Variants in DDX25 observed in about 807,000 individuals in gnomAD.
DDX25 encodes DEAD-box helicase 25.
In DDX25, 70 loss-of-function variants were observed where a neutral mutation model predicts 64.6. That is an observed-to-expected ratio of 1.08 (90% CI 0.89 to 1.32). DDX25 has a LOEUF of 1.32. Among genes scored for constraint, DDX25 ranks in the 40% most tolerant of loss-of-function variants. The pLI, the probability that DDX25 is intolerant of heterozygous loss-of-function variation, is 0.00. For synonymous variants in DDX25, 211 were observed against 213.3 expected (o/e 0.99, Z 0.09); for missense variants, 587 against 604.4 (o/e 0.97, Z 0.30).
intron 8 of DDX25, among the ~76,000 whole-genome samples, chr11:125,915,482 TC>T (rs1945025765): frequency 6.6e-6 from 1 of 152,236 alleles, no homozygotes; most frequent in African/African-American, 2.4e-5. Flanking sequence ...GCCATGGTTT[TC>T]TTTCCTTATG....
At position 125,925,130 on chromosome 11, in the gene DDX25, C is replaced by A. The variant is rs187971479; in HGVS notation, c.*2249C>A. ...TGTATCCAGATACTTTGTTCTCTTA[C>A]TATTCGAGAATCGAGTTGGACCTTC... On this transcript the variant is annotated 3_prime_UTR_variant, in exon 12 of 12. Transcript: ENST00000263576. 7.0e-5 allele frequency: 16 copies of A among 227,714 alleles called. No individual in the cohort carries two copies. The highest frequency in any genetic ancestry group is 1.7e-4 in the South Asian group (3 of 17,592). The allele number at this position is 227,714 out of a possible 1,614,324, so 14.1% of individuals were successfully genotyped here. A position where few individuals can be genotyped will look rare whatever the true frequency, so the allele number is the denominator to read the frequency against.
At chr11:125,919,130 C>T (rs1046293076) in intron 10 of DDX25, among the ~76,000 whole-genome samples, 1 of 152,158 alleles carries the variant, frequency 6.6e-6, no homozygotes, top group Non-Finnish European at 1.5e-5. Flanking sequence ...GTTCCATGCA[C>T]CAGCAGTTCA....
At chr11:125,906,344 G>C in intron 4 of DDX25, 135 bp downstream of exon 4, 2 of 1,176,602 alleles carry the variant, frequency 1.7e-6, no homozygotes, top group Non-Finnish European at 2.3e-6. Flanking sequence ...ATTTGAGACA[G>C]AGTCTCACTC....
In DDX25 at chr11:125,907,380, G is replaced by A. The variant is rs540216235; in HGVS notation, c.312-816G>A. On this transcript the variant is annotated intron_variant, in intron 4 of 11. Transcript: ENST00000263576. ...TCCCAGCACTTTGGGAGGCCAAGGG[G>A]GGCGGATCACGAGGTCAGGAGATCG... Among the ~76,000 whole-genome samples, 1,088 of 152,220 alleles carry A rather than the reference G, an allele frequency of 7.1e-3. 20 individuals are homozygous for A. Among genetic ancestry groups the A allele is most frequent in the African/African-American group, 0.025 (1,034 of 41,524 alleles).
chr11:125,923,793 C>T lies in DDX25; in HGVS notation c.*912C>T, dbSNP rs1013857588. The T allele has an allele frequency of 1.3e-5, 2 of 152,100 alleles. No individual in the cohort carries two copies. The highest frequency in any genetic ancestry group is 2.4e-5 in the African/African-American group (1 of 41,400). The allele number at this position is 152,100 out of a possible 1,614,324, so 9.4% of individuals were successfully genotyped here. On this transcript the variant is annotated 3_prime_UTR_variant, in exon 12 of 12. Transcript: ENST00000263576. ...TGGAGAGTCCCCCAGAAAGCCGGAG[C>T]GGATCTTGTAACCAGAGCGCCGGTA...
chr11:125,925,769 A>G lies in DDX25; in HGVS notation c.*2888A>G, dbSNP rs1391629151. 2 of 207,952 alleles carry G rather than the reference A, an allele frequency of 9.6e-6. No individual in the cohort carries two copies. The highest frequency in any genetic ancestry group is 4.6e-5 in the African/African-American group (2 of 43,368). 12.9% of individuals were successfully genotyped at this position (207,952 alleles called of 1,614,324 possible). On this transcript the variant is annotated 3_prime_UTR_variant, in exon 12 of 12. Transcript: ENST00000263576. Reference sequence around the variant, plus strand: ...CATGGAACACGGCTGCTATGATGTTAGGTGCTGGATCTAAGGCAACCATTA... The same window carrying G: ...CATGGAACACGGCTGCTATGATGTTGGGTGCTGGATCTAAGGCAACCATTA...
At chr11:125,913,232 T>C (rs1463733483) in intron 8 of DDX25, among the ~76,000 whole-genome samples, 1 of 151,992 alleles carries the variant, frequency 6.6e-6, no homozygotes, top group East Asian at 1.9e-4. Context: ...CCAGCTTCAG[T>C]CTGGTAGATC....
Position 125,918,768 on chromosome 11 carries a change from A to G in DDX25, c.1179A>G (p.Ile393Met). 1.3e-6 allele frequency: 2 copies of G among 1,594,558 alleles called. No individual in the cohort carries two copies. The highest frequency in any genetic ancestry group is 1.7e-6 in the Non-Finnish European group (2 of 1,170,272). The change falls in exon 10 of 12, where the codon ATA becomes ATG. Residue 393 changes from isoleucine to methionine, a missense_variant. Physicochemically the swap from Ile to Met is conservative, Grantham distance 10. Coordinates refer to ENST00000263576, the MANE Select transcript of DDX25 (RefSeq NM_013264.5). ...GGGATGGGAAAGAGAAGGTTCTCAT[A>G]ACAACTAATGTTTGTGCCCGAGGTG... Reference protein sequence around the residue: ...RFRDGKEKVLITTNVCARGID... With the variant: ...RFRDGKEKVLMTTNVCARGID...
rs772492899 is a variant in DDX25, at chr11:125,922,828, A to G, written c.1399A>G (p.Ile467Val). 3 of 1,609,066 alleles carry G rather than the reference A, an allele frequency of 1.9e-6. No individual in the cohort carries two copies. Among genetic ancestry groups the G allele is most frequent in the Non-Finnish European group, 2.5e-6 (3 of 1,177,468 alleles). The part of the protein sequence containing the change: ...MKIQDHFNSS[I>V]KQLNAEDMDE... Reference sequence around the variant, plus strand: ...CTCTTTTGTTCTTTTAGACAGCAGTATTAAGCAACTCAACGCTGAAGACAT... The same window carrying G: ...CTCTTTTGTTCTTTTAGACAGCAGTGTTAAGCAACTCAACGCTGAAGACAT... The change falls in exon 12 of 12, where the codon ATT (isoleucine) becomes GTT (valine). Residue 467 changes from isoleucine (I) to valine (V), a missense_variant. By Grantham distance (29) the Ile-to-Val change is conservative. Coordinates refer to ENST00000263576, the MANE Select transcript of DDX25 (RefSeq NM_013264.5).
chr11:125,917,106 A>C lies in DDX25; in HGVS notation c.893A>C (p.Asn298Thr), dbSNP rs1258606662. ...HFAERIIPDP[N>T]VIKLRKEELT... is the part of the protein sequence containing the mutation. ...GCTGAGCGAATCATCCCTGACCCTAATGTTATCAAGTTACGCAAAGAGGAG... is the reference window on the plus strand; with the variant it reads ...GCTGAGCGAATCATCCCTGACCCTACTGTTATCAAGTTACGCAAAGAGGAG... Residue 298 changes from asparagine to threonine, a missense_variant, in exon 9 of 12, where the codon AAT (asparagine) becomes ACT (threonine). Asn to Thr is a moderately conservative substitution (Grantham distance 65). Transcript: ENST00000263576. 6.2e-7 allele frequency: 1 copy of C among 1,610,782 alleles called. No individual in the cohort carries two copies.
In DDX25 at chr11:125,911,413, G is replaced by A. The variant is rs150771661; in HGVS notation, c.725G>A (p.Arg242His). 3.2e-4 allele frequency: 524 copies of A among 1,613,862 alleles called. 4 individuals carry two copies. The East Asian group carries it at 6.2e-3, about 19-fold the overall frequency. Residue 242 changes from arginine to histidine, a missense_variant, in exon 8 of 12, where the codon CGT (arginine) becomes CAT (histidine). Physicochemically the swap from Arg to His is conservative, Grantham distance 29. Coordinates refer to ENST00000263576, the MANE Select transcript of DDX25 (RefSeq NM_013264.5). ...KLKLIDLTKI[R>H]VFVLDEADVM... ...AAATTGATTGATTTGACTAAGATTC[G>A]TGTGTTTGTCCTGGATGAAGCAGAT...
chr11:125,907,480 C>A (rs375182758), intron 4 of DDX25, among the ~76,000 whole-genome samples: 3 of 151,976 alleles, frequency 2.0e-5, no homozygotes, highest in East Asian at 3.9e-4. Context: ...TGGTGGCGGG[C>A]GCCTGTAGTC....
At chr11:125,916,317 G>A (rs138675162) in intron 8 of DDX25, among the ~76,000 whole-genome samples, 58 of 152,256 alleles carry the variant, frequency 3.8e-4, no homozygotes, top group African/African-American at 1.3e-3. Context: ...CCATGCTCTT[G>A]TAACAGCAGC....
At position 125,921,601 on chromosome 11, in the gene DDX25, T is replaced by C; in HGVS notation, c.1390+222T>C. ...TTATTTTGATCAAGCAGAATTAATA[T>C]GAGCTCAGGCCGGGTGTGGCAGCTC... On this transcript the variant is annotated intron_variant, in intron 11 of 11. Coordinates refer to ENST00000263576, the MANE Select transcript of DDX25 (RefSeq NM_013264.5). The surrounding 1 kb of genome is among the most constrained non-coding windows in gnomAD (Gnocchi z 4.1). 3.7e-6 allele frequency: 2 copies of C among 533,622 alleles called. No homozygotes were observed. The highest frequency in any genetic ancestry group is 6.4e-6 in the Non-Finnish European group (2 of 314,254). 33.1% of individuals were successfully genotyped at this position (533,622 alleles called of 1,614,324 possible). A position where few individuals can be genotyped will look rare whatever the true frequency, so the allele number is the denominator to read the frequency against.
Position 125,908,278 on chromosome 11 carries a change from C to T in DDX25, c.394C>T (p.Leu132=). The part of the protein sequence containing the change: ...KIQEMALPMM[L]AHPPQNLIAQ... ...CCAAGAGATGGCTCTCCCTATGATG[C>T]TGGCACATCCGTGAGTTTCCAGGGT... is the stretch of plus-strand genomic sequence containing the variant. Residue 132 remains leucine, a synonymous_variant, in exon 5 of 12, where the codon CTG becomes TTG. Coordinates refer to ENST00000263576, the MANE Select transcript of DDX25 (RefSeq NM_013264.5). The T allele has an allele frequency of 6.2e-7, 1 of 1,613,756 alleles. No individual in the cohort carries two copies. The highest frequency in any genetic ancestry group is 1.3e-5 in the African/African-American group (1 of 75,012).
Position 125,910,480 on chromosome 11 carries a change from T to G in DDX25, c.622+2T>G. On this transcript the variant is annotated splice_donor_variant, in intron 7 of 11. Coordinates refer to ENST00000263576, the MANE Select transcript of DDX25 (RefSeq NM_013264.5). LOFTEE classifies it high-confidence loss of function. Reference sequence around the variant, plus strand: ...TGTATGCCATTCGAGGGAATCGAAGTATGTACCAGTAAGCCAGTCCTGGCT... The same window carrying G: ...TGTATGCCATTCGAGGGAATCGAAGGATGTACCAGTAAGCCAGTCCTGGCT... The G allele has an allele frequency of 6.2e-7, 1 of 1,613,512 alleles. No homozygotes were observed. The highest frequency in any genetic ancestry group is 1.1e-5 in the South Asian group (1 of 91,042).
At chr11:125,916,114 G>T (rs1015799903) in intron 8 of DDX25, among the ~76,000 whole-genome samples, 2 of 152,088 alleles carry the variant, frequency 1.3e-5, no homozygotes, top group African/African-American at 4.8e-5. Flanking sequence ...GGACTATATG[G>T]TCTCTTTCAC....
rs373696148 is a variant in DDX25, at chr11:125,918,635, G to A, written c.1046G>A (p.Arg349Gln). ...GQAIIFCQTR[R>Q]NAKWLTVEMI... The stretch of plus-strand genomic sequence containing the variant: ...TTTTGCCTTTTTACATAGACTCGTC[G>A]AAACGCTAAGTGGTTGACCGTGGAG... Residue 349 changes from arginine to glutamine, a missense_variant, in exon 10 of 12, where the codon CGA becomes CAA. Arg to Gln is a conservative substitution (Grantham distance 43, BLOSUM62 1). Transcript: ENST00000263576. The A allele has an allele frequency of 6.2e-6, 10 of 1,612,540 alleles. No homozygotes were observed. In the African/African-American group the frequency reaches 1.1e-4, roughly 17 times the overall value.
At position 125,924,763 on chromosome 11, in the gene DDX25, GTGGTAACGAAGA is replaced by G. The variant is rs1945153125; in HGVS notation, c.*1886_*1897del. On this transcript the variant is annotated 3_prime_UTR_variant, in exon 12 of 12. Coordinates refer to ENST00000263576, the MANE Select transcript of DDX25 (RefSeq NM_013264.5). ...GGGAGCCGCAAGTGCAGGTAGAGCA[GTGGTAACGAAGA>G]TGGCCGTCCCAGCGGGAGACCCTCA... 6.6e-6 allele frequency: 1 copy of G among 152,428 alleles called. No individual in the cohort carries two copies. Among genetic ancestry groups the G allele is most frequent in the East Asian group, 1.9e-4 (1 of 5,190 alleles). 9.4% of individuals were successfully genotyped at this position (152,428 alleles called of 1,614,324 possible). A position where few individuals can be genotyped will look rare whatever the true frequency, so the allele number is the denominator to read the frequency against.
Sources: gnomAD v4.1 joint callset for allele counts (sites outside exome capture counted in the v4.1 genomes callset) on GRCh38, gnomAD v4.1.1 for gene constraint, Gnocchi (gnomAD v3.1) non-coding constraint, MANE v1.5 for transcripts, NCBI Gene and HGNC (gene_info 2026-07-23, HGNC 2026-07-21) for gene names.